NEB: variants seen among roughly 807,000 people sequenced by gnomAD.
NEB encodes the protein nebulin, also known as nemaline myopathy type 2.
A neutral mutation model predicts 952.2 loss-of-function variants in NEB; 512 were observed. The observed-to-expected ratio is 0.54, with a 90% confidence interval of 0.50 to 0.58. NEB has a LOEUF of 0.58. NEB is among the 20% of genes least tolerant of loss of function. The pLI, the probability that NEB is intolerant of heterozygous loss-of-function variation, is 0.00. For synonymous variants in NEB, 2,900 were observed against 3,149.8 expected (o/e 0.92, Z 2.66); for missense variants, 8,428 against 9,231.1 (o/e 0.91, Z 3.56).
At chr2:151,624,351 T>C (rs1357154374) in intron 71 of NEB, among the ~76,000 whole-genome samples, 1 of 152,102 alleles carries the variant, frequency 6.6e-6, no homozygotes, top group African/African-American at 2.4e-5. Flanking sequence ...CTACTTCAGT[T>C]CCCCTAATGT....
chr2:151,495,663 A>AAAG (rs888028574), intron 173 of NEB, among the ~76,000 whole-genome samples: 1 of 151,526 alleles, frequency 6.6e-6, no homozygotes, highest in African/African-American at 2.4e-5. Context: ...CAGTAAAACT[A>AAAG]AAGAACAACA....
intron 48 of NEB, among the ~76,000 whole-genome samples, chr2:151,657,595 A>G (rs956466370): frequency 6.6e-6 from 1 of 152,214 alleles, no homozygotes; most frequent in African/African-American, 2.4e-5. Flanking sequence ...ATGAGCCCAA[A>G]TGATCAGCAC....
rs766626019 is a variant in NEB at position 151,663,623 on chromosome 2, C to A, written c.5688G>T (p.Val1896=). Residue 1896 remains valine (V), a synonymous_variant, in exon 45 of 182, where the codon GTG becomes GTT. Coordinates refer to ENST00000397345, the MANE Select transcript of NEB (RefSeq NM_001164508.2). ...EVATNANYRN[V]IHTYNMLPDA... ...CAGGAAGCATGTTGTAGGTATGGAT[C>A]ACGTTCCTGTAGTTGGCATTGGTGG... The A allele has an allele frequency of 7.4e-6, 12 of 1,613,712 alleles. No individual in the cohort carries two copies. Among genetic ancestry groups the A allele is most frequent in the Admixed American group, 3.3e-5 (2 of 59,988 alleles).
intron 129 of NEB, 67 bp downstream of exon 129, chr2:151,551,671 C>T: frequency 1.6e-6 from 2 of 1,233,554 alleles, no homozygotes; most frequent in South Asian, 1.3e-5. Flanking sequence ...GAAGCAAGCT[C>T]AGCTTGCTTC....
rs546247045 is a variant in NEB, at chr2:151,732,373, A to G, written c.36+748T>C. 9.2e-4 allele frequency among the ~76,000 whole-genome samples: 140 copies of G among 152,332 alleles called. 1 individual carries two copies. The Middle Eastern group carries it at 0.017, about 19-fold the overall frequency. ...AAAAACAAAAGGATGTAAAATAAATATAAAATAAATGATTAACAGCTTTGT... is the reference window on the plus strand; with the variant it reads ...AAAAACAAAAGGATGTAAAATAAATGTAAAATAAATGATTAACAGCTTTGT... On this transcript the variant is annotated intron_variant, in intron 3 of 181. Transcript: ENST00000397345.
At chr2:151,691,434 TTTC>T (rs2099549877) in intron 23 of NEB, among the ~76,000 whole-genome samples, 1 of 152,218 alleles carries the variant, frequency 6.6e-6, no homozygotes, top group Admixed American at 6.5e-5. Flanking sequence ...GCTTGATATC[TTTC>T]TTATTTCTGT....
intron 10 of NEB, among the ~76,000 whole-genome samples, chr2:151,711,405 C>T (rs1024193204): frequency 6.6e-6 from 1 of 152,162 alleles, no homozygotes; most frequent in Admixed American, 6.5e-5. Context: ...CTGGCATATG[C>T]CTACATCCCC....
chr2:151,655,291 C>A lies in NEB; in HGVS notation c.6786G>T (p.Gln2262His). Residue 2262 changes from glutamine to histidine, a missense_variant, in exon 51 of 182, where the codon CAG becomes CAT. Transcript: ENST00000397345. Reference sequence around the variant, plus strand: ...TTACCTGACTATACAGTGTTTGATTCTGCTTGGCTTGTAAAATATCTGGTG... The same window carrying A: ...TTACCTGACTATACAGTGTTTGATTATGCTTGGCTTGTAAAATATCTGGTG... ...PDTPDILQAK[Q>H]NQTLYSQKLY... 1 of 1,587,108 alleles carries A rather than the reference C, an allele frequency of 6.3e-7. No homozygotes were observed. The highest frequency in any genetic ancestry group is 1.1e-5 in the South Asian group (1 of 89,284).
chr2:151,688,254 G>A (rs768858579), intron 25 of NEB, 38 bp downstream of exon 25: 1 of 1,433,240 alleles, frequency 7.0e-7, no homozygotes, highest in Non-Finnish European at 9.8e-7. Flanking sequence ...CTCTTTTCAT[G>A]TACACCAAAC....
chr2:151,562,335 C>T lies in NEB; in HGVS notation c.18892-121G>A, dbSNP rs571176528. 9.5e-5 allele frequency: 84 copies of T among 883,026 alleles called. No homozygotes were observed. The Admixed American group carries it at 1.2e-3, about 12-fold the overall frequency. 54.7% of individuals were successfully genotyped at this position (883,026 alleles called of 1,614,324 possible). A position where few individuals can be genotyped will look rare whatever the true frequency, so the allele number is the denominator to read the frequency against. ...CTTAGAAGACATAGGGTAGGCCTCT[C>T]ACCAGCTGGAAGGTCTTTAATTCCC... On this transcript the variant is annotated intron_variant, in intron 120 of 181. Coordinates refer to ENST00000397345, the MANE Select transcript of NEB (RefSeq NM_001164508.2).
intron 29 of NEB, among the ~76,000 whole-genome samples, chr2:151,681,456 C>A (rs1022496559): frequency 6.6e-6 from 1 of 152,176 alleles, no homozygotes; most frequent in Admixed American, 6.5e-5. Context: ...TATTCCTGTA[C>A]GCGTCTCTAT....
At chr2:151,553,755 G>C in intron 126 of NEB, 73 bp downstream of exon 126, 2 of 1,390,226 alleles carry the variant, frequency 1.4e-6, no homozygotes, top group Non-Finnish European at 1.9e-6. Context: ...AAAGAAATGG[G>C]TGAGTTTGCT....
In NEB at chr2:151,642,559, T is replaced by C. The variant is rs750970894; in HGVS notation, c.8373+15A>G. 13 of 1,596,760 alleles carry C rather than the reference T, an allele frequency of 8.1e-6. No individual in the cohort carries two copies. The highest frequency in any genetic ancestry group is 1.1e-5 in the South Asian group (1 of 89,190). On this transcript the variant is annotated intron_variant, in intron 60 of 181. Coordinates refer to ENST00000397345, the MANE Select transcript of NEB (RefSeq NM_001164508.2). Reference sequence around the variant, plus strand: ...GAGCCAAAGCTAAGGCAAATAACTTTCCAAGTATACTTACTTCACTTGCAA... The same window carrying C: ...GAGCCAAAGCTAAGGCAAATAACTTCCCAAGTATACTTACTTCACTTGCAA...
Position 151,610,867 on chromosome 2 carries a change from C to T in NEB, c.11806-1G>A, listed in dbSNP as rs886041851. On this transcript the variant is annotated splice_acceptor_variant, in intron 78 of 181. Coordinates refer to ENST00000397345, the MANE Select transcript of NEB (RefSeq NM_001164508.2). LOFTEE classifies it high-confidence loss of function. ...CATCCCAAGCTTCTGTGTATAAATG[C>T]TACAGGGCAGGGCGGCATGGGGCAT... The T allele has an allele frequency of 3.2e-6, 5 of 1,582,842 alleles. No homozygotes were observed. The Middle Eastern group carries it at 8.4e-4, about 265-fold the overall frequency.
chr2:151,631,083 C>A, intron 66 of NEB, 60 bp downstream of exon 66: 1 of 1,588,890 alleles, frequency 6.3e-7, no homozygotes, highest in South Asian at 1.1e-5. Flanking sequence ...CTCCATTAGT[C>A]ATTAAAGTAT....
rs372037674 is a variant in NEB at position 151,560,674 on chromosome 2, C to G, written c.19232G>C (p.Arg6411Thr). The G allele has an allele frequency of 6.8e-6, 11 of 1,611,604 alleles. No homozygotes were observed. Among genetic ancestry groups the G allele is most frequent in the African/African-American group, 1.3e-5 (1 of 74,888 alleles). The change falls in exon 124 of 182, where the codon AGA becomes ACA. Residue 6411 changes from arginine to threonine, a missense_variant. Coordinates refer to ENST00000397345, the MANE Select transcript of NEB (RefSeq NM_001164508.2). ...CAGGATGTAGCTGGTGGCTTTCACT[C>G]TATCCCAGGCCTCCTTGTACAGGTT... The part of the protein sequence containing the change: ...SSNLYKEAWD[R>T]VKATSYILPS...
At chr2:151,673,117 A>G (rs887761310) in intron 36 of NEB, among the ~76,000 whole-genome samples, 1 of 152,166 alleles carries the variant, frequency 6.6e-6, no homozygotes, top group African/African-American at 2.4e-5. Flanking sequence ...CTGCTTTCCA[A>G]GCTCACTGCT....
chr2:151,717,404 C>G lies in NEB; in HGVS notation c.822+12G>C, dbSNP rs754183918. On this transcript the variant is annotated intron_variant, in intron 10 of 181. Coordinates refer to ENST00000397345, the MANE Select transcript of NEB (RefSeq NM_001164508.2). Reference sequence around the variant, plus strand: ...CTTCAAGGGAGGCAATGTCCCAGCTCTATTTACTTACCTTGCTCACTTGAT... The same window carrying G: ...CTTCAAGGGAGGCAATGTCCCAGCTGTATTTACTTACCTTGCTCACTTGAT... 3 of 1,581,218 alleles carry G rather than the reference C, an allele frequency of 1.9e-6. No individual in the cohort carries two copies. The highest frequency in any genetic ancestry group is 2.6e-6 in the Non-Finnish European group (3 of 1,150,006).
chr2:151,490,122 G>T, intron 180 of NEB, 45 bp from the exon 181 acceptor site: 1 of 1,442,972 alleles, frequency 6.9e-7, no homozygotes, highest in South Asian at 1.2e-5. Context: ...AAAATGGCTA[G>T]GTATCCTTTA....
Sources: allele counts gnomAD v4.1 joint callset (sites outside exome capture counted in the v4.1 genomes callset), GRCh38; gene constraint gnomAD v4.1.1; transcripts MANE v1.5; gene names NCBI Gene and HGNC (gene_info 2026-07-23, HGNC 2026-07-21).